The following SYT16 variants were observed in gnomAD, a reference collection of about 807,000 sequenced individuals.
SYT16 encodes synaptotagmin 16.
A neutral mutation model predicts 61.4 loss-of-function variants in SYT16; 42 were observed. The observed-to-expected ratio is 0.68, with a 90% confidence interval of 0.53 to 0.89. The LOEUF is 0.89. SYT16 is among the 40% of genes least tolerant of loss of function. The pLI is 0.00. For missense variants in SYT16, 804 were observed against 807.3 expected, an observed-to-expected ratio of 1.00 and a Z score of 0.05; for synonymous variants, 314 against 302.3, an observed-to-expected ratio of 1.04 and a Z score of -0.40.
chr14:62,090,313 A>G (rs971786819), intron 7 of SYT16, among the ~76,000 whole-genome samples: 2 of 152,168 alleles, frequency 1.3e-5, no homozygotes, highest in African/African-American at 4.8e-5. Context: ...TGATAATTAC[A>G]CCCCAAATGA....
chr14:61,907,594 T>C (rs2048772099), intron 1 of SYT16, among the ~76,000 whole-genome samples: 1 of 152,184 alleles, frequency 6.6e-6, no homozygotes, highest in African/African-American at 2.4e-5. Context: ...GCTCACCGTG[T>C]GGGCCTCTCC....
At chr14:62,039,834 T>TACACACACACACAC (rs71449576) in intron 3 of SYT16, among the ~76,000 whole-genome samples, 34 of 124,422 alleles carry the variant, frequency 2.7e-4, no homozygotes, top group East Asian at 2.1e-3. Context: ...GGCTTAAGCA[T>TACACACACACACAC]ACACACACAC....
chr14:62,073,658 T>G (rs1262586215), intron 4 of SYT16, among the ~76,000 whole-genome samples: 2 of 152,180 alleles, frequency 1.3e-5, no homozygotes, highest in Non-Finnish European at 2.9e-5. Context: ...GAGTCTGAAG[T>G]TCTGCCCCGA....
At chr14:62,059,047 A>G (rs2055697806) in intron 3 of SYT16, among the ~76,000 whole-genome samples, 2 of 152,146 alleles carry the variant, frequency 1.3e-5, no homozygotes, top group Non-Finnish European at 2.9e-5. Context: ...ATAGAGGGGA[A>G]CAACAGACCC....
intron 7 of SYT16, among the ~76,000 whole-genome samples, chr14:62,084,771 A>T (rs2056831196): frequency 6.6e-6 from 1 of 152,184 alleles, no homozygotes; most frequent in East Asian, 1.9e-4. Flanking sequence ...TTTACCTACC[A>T]CTTAACCACT....
chr14:61,895,775 G>A (rs1305313489), intron 1 of SYT16, among the ~76,000 whole-genome samples: 1 of 151,768 alleles, frequency 6.6e-6, no homozygotes, highest in African/African-American at 2.4e-5. Context: ...TGAATTAATT[G>A]GATTTTTGAG....
At chr14:61,881,191 C>T (rs193061981) in intron 1 of SYT16, among the ~76,000 whole-genome samples, 16 of 152,198 alleles carry the variant, frequency 1.1e-4, no homozygotes, top group African/African-American at 2.9e-4. Context: ...TCCCTTTCTG[C>T]TGGAATATTT....
intron 2 of SYT16, among the ~76,000 whole-genome samples, chr14:61,975,337 A>T (rs887049370): frequency 6.6e-6 from 1 of 152,072 alleles, no homozygotes; most frequent in African/African-American, 2.4e-5. Context: ...CAGACTAAAC[A>T]TTGCCTGACC....
intron 3 of SYT16, among the ~76,000 whole-genome samples, chr14:61,998,228 A>G (rs2052849662): frequency 6.6e-6 from 1 of 151,966 alleles, no homozygotes; most frequent in Admixed American, 6.6e-5. Context: ...ACTATAATAA[A>G]ATTCATCCTT....
chr14:61,836,967 C>T (rs1047998113), intron 1 of SYT16, among the ~76,000 whole-genome samples: 3 of 152,174 alleles, frequency 2.0e-5, no homozygotes, highest in South Asian at 4.1e-4. Context: ...GCAGACAGTA[C>T]GCTAACCCCT....
intron 3 of SYT16, 60 bp downstream of exon 3, chr14:61,996,602 A>G (rs2052782774): frequency 1.3e-6 from 2 of 1,514,790 alleles, no homozygotes; most frequent in African/African-American, 2.8e-5. Context: ...TACTTATTTT[A>G]TTTTGACTTG....
chr14:62,056,034 T>C (rs139406771), intron 3 of SYT16, among the ~76,000 whole-genome samples: 373 of 151,494 alleles, frequency 2.5e-3, no homozygotes, highest in Non-Finnish European at 4.7e-3. Flanking sequence ...GCCAGTCTAC[T>C]TTTTCCACGT....
intron 7 of SYT16, among the ~76,000 whole-genome samples, chr14:62,084,805 T>C (rs1354858683): frequency 6.6e-6 from 1 of 152,230 alleles, no homozygotes; most frequent in Non-Finnish European, 1.5e-5. Flanking sequence ...TCCTGTGCAA[T>C]TTATCCCTTT....
intron 3 of SYT16, among the ~76,000 whole-genome samples, chr14:62,019,487 G>A: frequency 6.6e-6 from 1 of 152,162 alleles, no homozygotes; most frequent in East Asian, 1.9e-4. Flanking sequence ...TGAAATGCGA[G>A]GATAATGGTA....
intron 1 of SYT16, among the ~76,000 whole-genome samples, chr14:61,952,792 G>C (rs931310264): frequency 6.6e-6 from 1 of 152,028 alleles, no homozygotes; most frequent in Non-Finnish European, 1.5e-5. Context: ...TTTTTTGAAA[G>C]GTCTATTTTT....
At position 61,865,494 on chromosome 14, in the gene SYT16, G is replaced by A. The variant is rs544016259; in HGVS notation, c.-325+52684G>A. On this transcript the variant is annotated intron_variant, in intron 1 of 7. Coordinates refer to ENST00000683842, the MANE Select transcript of SYT16 (RefSeq NM_001367656.1). ...ACTATTTAACAGTTTGGAATATTGT[G>A]GGGGACCTCATGGCCTGGGCTGCCC... Among the ~76,000 whole-genome samples the A allele has an allele frequency of 3.3e-5, 5 of 152,312 alleles. No individual in the cohort carries two copies. In the South Asian group the frequency reaches 1.0e-3, roughly 32 times the overall value.
intron 2 of SYT16, among the ~76,000 whole-genome samples, chr14:61,993,285 G>A (rs759523455): frequency 1.2e-4 from 18 of 152,026 alleles, no homozygotes; most frequent in Non-Finnish European, 2.4e-4. Flanking sequence ...CAAGGGGAGG[G>A]AGAGCATTAG....
intron 2 of SYT16, among the ~76,000 whole-genome samples, chr14:61,979,693 C>T (rs1042889976): frequency 1.2e-4 from 19 of 152,102 alleles, no homozygotes; most frequent in Non-Finnish European, 7.4e-5. Context: ...ATCATCCTGG[C>T]CAACATGGTG....
intron 3 of SYT16, among the ~76,000 whole-genome samples, chr14:62,058,363 GAGA>G (rs2055663893): frequency 2.2e-5 from 1 of 44,850 alleles, no homozygotes; most frequent in Non-Finnish European, 5.0e-5. Flanking sequence ...TTTTTTTTTT[GAGA>G]AGGAGTCTCG....
Sources: allele counts gnomAD v4.1 joint callset (sites outside exome capture counted in the v4.1 genomes callset), GRCh38; gene constraint gnomAD v4.1.1; transcripts MANE v1.5; gene names NCBI Gene and HGNC (gene_info 2026-07-23, HGNC 2026-07-21).